The following DNMT3A variants were observed in gnomAD, a reference collection of about 807,000 sequenced individuals.
The protein encoded by DNMT3A is DNA methyltransferase 3 alpha.
In DNMT3A, 267 loss-of-function variants were observed where a neutral mutation model predicts 117.6. That is an observed-to-expected ratio of 2.27 (90% confidence interval 2.05 to 2.51). DNMT3A has a LOEUF of 2.51. DNMT3A is among the 30% of genes most tolerant of loss of function. The pLI is 0.00. For synonymous variants in DNMT3A, 432 were observed against 474.8 expected (o/e 0.91, Z 1.17); for missense variants, 1,029 against 1,260.2 (o/e 0.82, Z 2.78).
chr2:25,259,340 G>A (rs943851509), intron 6 of DNMT3A, among the ~76,000 whole-genome samples: 3 of 152,166 alleles, frequency 2.0e-5, no homozygotes, highest in African/African-American at 4.8e-5. Context: ...CACTGATACC[G>A]GATCTCAGGT....
intron 6 of DNMT3A, among the ~76,000 whole-genome samples, chr2:25,255,899 C>T (rs1031173731): frequency 2.6e-5 from 4 of 152,094 alleles, no homozygotes; most frequent in African/African-American, 9.7e-5. Context: ...AGAGCAGCAA[C>T]GCCCGGAGCT....
Position 25,252,437 on chromosome 2 carries a change from G to C in DNMT3A, c.640-4185C>G. The C allele has an allele frequency of 2.4e-6, 1 of 424,392 alleles. No individual in the cohort carries two copies. Among genetic ancestry groups the C allele is most frequent in the Non-Finnish European group, 4.1e-6 (1 of 241,154 alleles). The allele number at this position is 424,392 out of a possible 1,614,324, so 26.3% of individuals were successfully genotyped here. A position where few individuals can be genotyped will look rare whatever the true frequency, so the allele number is the denominator to read the frequency against. On this transcript the variant is annotated intron_variant, in intron 6 of 22. Transcript: ENST00000321117. This position sits in a 1 kb window ranked among gnomAD's most constrained non-coding sequence, Gnocchi z 5.5. ...TGGCTGCGAGCGGCCCGGGGAGGGG[G>C]CCGGCGCTCCGACGCTGGCGCTGGG...
rs1673425624 is a variant in DNMT3A at position 25,236,895 on chromosome 2, C to T, written c.2478+41G>A. 1 of 1,592,538 alleles carries T rather than the reference C, an allele frequency of 6.3e-7. No individual in the cohort carries two copies. The highest frequency in any genetic ancestry group is 8.6e-7 in the Non-Finnish European group (1 of 1,169,054). ...GCTCCACCTCATCCTGCCCTTCCTT[C>T]TCCCTGCCCCCCAGCAGAGGTTCTA... On this transcript the variant is annotated intron_variant, in intron 21 of 22. Transcript: ENST00000321117. This position sits in a 1 kb window ranked among gnomAD's most constrained non-coding sequence, Gnocchi z 4.5.
At position 25,322,963 on chromosome 2, in the gene DNMT3A, T is replaced by G. The variant is rs570130557; in HGVS notation, c.-177-8802A>C. Among the ~76,000 whole-genome samples, 6 of 152,000 alleles carry G rather than the reference T, an allele frequency of 3.9e-5. No homozygotes were observed. The South Asian group carries it at 1.3e-3, about 32-fold the overall frequency. On this transcript the variant is annotated intron_variant, in intron 1 of 22. Transcript: ENST00000321117. ...TCTGTAGCAGGTCCTTCTCCCTCCC[T>G]CTGCTTGCATTCTCCTTTTCCTCTA...
chr2:25,281,563 C>T lies in DNMT3A; in HGVS notation c.448+878G>A, dbSNP rs2149377274. ...ATCAATTTACTCATTTCATCATACA[C>T]GCTTGGAAGGAAGACTTTTTGAAAT... On this transcript the variant is annotated intron_variant, in intron 4 of 22. Transcript: ENST00000321117. The surrounding 1 kb of genome is among the most constrained non-coding windows in gnomAD (Gnocchi z 4.8). 1.9e-5 allele frequency: 20 copies of T among 1,062,550 alleles called. No homozygotes were observed. The highest frequency in any genetic ancestry group is 1.4e-4 in the South Asian group (3 of 21,972). The allele number at this position is 1,062,550 out of a possible 1,614,324, so 65.8% of individuals were successfully genotyped here.
In DNMT3A at chr2:25,237,042, T is replaced by A. The variant is rs376271785; in HGVS notation, c.2409-37A>T. 6.2e-7 allele frequency: 1 copy of A among 1,609,020 alleles called. No individual in the cohort carries two copies. The stretch of plus-strand genomic sequence containing the variant: ...AAGAGAGACTGTAACAACAGAAACC[T>A]GGATAACAGCGGGAAGGGCCCCAGC... On this transcript the variant is annotated intron_variant, in intron 20 of 22. Transcript: ENST00000321117. This position sits in a 1 kb window ranked among gnomAD's most constrained non-coding sequence, Gnocchi z 5.4.
rs774700003 is a variant in DNMT3A at position 25,241,722 on chromosome 2, A to T, written c.1937-15T>A. 6.2e-7 allele frequency: 1 copy of T among 1,612,676 alleles called. No homozygotes were observed. Among genetic ancestry groups the T allele is most frequent in the Non-Finnish European group, 8.5e-7 (1 of 1,179,468 alleles). ...CACCAGGAGCCCTGCACCAGCCAGC[A>T]GACAGCACCGTTACTTGGAGCCATC... On this transcript the variant is annotated splice_polypyrimidine_tract_variant and intron_variant, in intron 16 of 22. Coordinates refer to ENST00000321117, the MANE Select transcript of DNMT3A (RefSeq NM_022552.5).
chr2:25,340,908 A>C (rs2035400744), intron 1 of DNMT3A, among the ~76,000 whole-genome samples: 8 of 100,464 alleles, frequency 8.0e-5, no homozygotes, highest in East Asian at 3.2e-4. Flanking sequence ...CCGCCCCCAC[A>C]TTGCGGCGCC....
Position 25,234,353 on chromosome 2 carries a change from G to T in DNMT3A, c.2665C>A (p.Leu889Met). The T allele has an allele frequency of 6.2e-7, 1 of 1,614,152 alleles. No homozygotes were observed. The highest frequency in any genetic ancestry group is 8.5e-7 in the Non-Finnish European group (1 of 1,180,000). ...NMSRLARQRL[L>M]GRSWSVPVIR... ...ACTGGCACGCTCCATGACCGGCCCAGCAGTCTCTGCCTCGCCAAGCGGCTC... is the reference window on the plus strand; with the variant it reads ...ACTGGCACGCTCCATGACCGGCCCATCAGTCTCTGCCTCGCCAAGCGGCTC... Residue 889 changes from leucine to methionine, a missense_variant, in exon 23 of 23, where the codon CTG becomes ATG. Physicochemically the swap from Leu to Met is conservative, Grantham distance 15. Transcript: ENST00000321117. This position sits in a 1 kb window ranked among gnomAD's most constrained non-coding sequence, Gnocchi z 4.5.
chr2:25,317,137 C>T (rs1445294216), intron 1 of DNMT3A, among the ~76,000 whole-genome samples: 1 of 152,050 alleles, frequency 6.6e-6, no homozygotes, highest in Non-Finnish European at 1.5e-5. Flanking sequence ...CTCAATGCAG[C>T]CTCAAACTCC....
chr2:25,312,328 G>A (rs960952970), intron 2 of DNMT3A, among the ~76,000 whole-genome samples: 1 of 152,238 alleles, frequency 6.6e-6, no homozygotes, highest in African/African-American at 2.4e-5. Flanking sequence ...AGGACTATCA[G>A]TTCTTTTCCC....
chr2:25,237,517 C>T lies in DNMT3A; in HGVS notation c.2409-512G>A, dbSNP rs1673502501. Among the ~76,000 whole-genome samples, 2 of 152,206 alleles carry T rather than the reference C, an allele frequency of 1.3e-5. No individual in the cohort carries two copies. Among genetic ancestry groups the T allele is most frequent in the African/African-American group, 4.8e-5 (2 of 41,456 alleles). ...GCGCAGTGGCTCATGCCTGCAATCC[C>T]AGCCCTTTGGAAGGCTGAGGCAGGC... On this transcript the variant is annotated intron_variant, in intron 20 of 22. Coordinates refer to ENST00000321117, the MANE Select transcript of DNMT3A (RefSeq NM_022552.5). This position sits in a 1 kb window ranked among gnomAD's most constrained non-coding sequence, Gnocchi z 5.4.
chr2:25,280,901 G>A (rs893002182), intron 4 of DNMT3A, among the ~76,000 whole-genome samples: 3 of 152,136 alleles, frequency 2.0e-5, no homozygotes, highest in African/African-American at 7.2e-5. Flanking sequence ...CATGCTTCAG[G>A]GCAGGAAGGA....
chr2:25,300,292 G>A (rs2033355941), intron 2 of DNMT3A, 49 bp from the exon 3 acceptor site: 1 of 1,586,428 alleles, frequency 6.3e-7, no homozygotes, highest in Non-Finnish European at 8.5e-7. Context: ...TCCCAGCAGT[G>A]TAGCATTCCA....
chr2:25,242,524 A>T (rs915392988), intron 16 of DNMT3A, among the ~76,000 whole-genome samples: 2 of 152,196 alleles, frequency 1.3e-5, no homozygotes, highest in Admixed American at 1.3e-4. Context: ...AGTCTGGGAT[A>T]CAAAAAGCTG....
intron 2 of DNMT3A, among the ~76,000 whole-genome samples, chr2:25,300,712 A>ATAC (rs1491509599): frequency 5.3e-5 from 1 of 18,922 alleles, no homozygotes; most frequent in African/African-American, 1.7e-4. Context: ...TAAATAATAT[A>ATAC]ATATATATAT....
At chr2:25,302,522 G>A (rs572478969) in intron 2 of DNMT3A, among the ~76,000 whole-genome samples, 1 of 152,214 alleles carries the variant, frequency 6.6e-6, no homozygotes, top group African/African-American at 2.4e-5. Context: ...TCCTTCAGGG[G>A]CTCTTTTCAG....
rs1332274455 is a variant in DNMT3A at position 25,229,834 on chromosome 2, T to TAA, written c.*4443_*4444dup. 1 of 152,248 alleles carries TAA rather than the reference T, an allele frequency of 6.6e-6. No homozygotes were observed. The highest frequency in any genetic ancestry group is 1.5e-5 in the Non-Finnish European group (1 of 68,044). 9.4% of individuals were successfully genotyped at this position (152,248 alleles called of 1,614,324 possible). ...GAAATGAATGACTGCAGTTTTCCTA[T>TAA]AAGAACATCTCCCAGATGGCTCTGC... On this transcript the variant is annotated 3_prime_UTR_variant, in exon 23 of 23. Transcript: ENST00000321117.
At chr2:25,342,039 T>C, upstream of DNMT3A, 1 of 617,018 alleles carries the variant, frequency 1.6e-6, no homozygotes, top group Non-Finnish European at 1.9e-6. The surrounding 1 kb of genome is among the most constrained non-coding windows in gnomAD (Gnocchi z 5.9). Context: ...TCCCACCCCT[T>C]CTCTCCGCCT....
Sources: allele counts gnomAD v4.1 joint callset (sites outside exome capture counted in the v4.1 genomes callset), GRCh38; gene constraint gnomAD v4.1.1; non-coding constraint Gnocchi (gnomAD v3.1); transcripts MANE v1.5; gene names NCBI Gene and HGNC (gene_info 2026-07-23, HGNC 2026-07-21).